Variants in LSAMP observed in about 807,000 individuals in gnomAD.
LSAMP encodes the protein limbic system-associated membrane protein.
Under a neutral mutation model 38.6 loss-of-function variants are expected in LSAMP, and 7 were observed. The ratio of observed to expected loss-of-function variants is 0.18; its 90% CI spans 0.10 to 0.34. LSAMP has a LOEUF of 0.34. LSAMP is among the 10% of genes least tolerant of loss of function. The probability of loss-of-function intolerance (pLI) is 1.00; values close to 1 mark genes in which losing one functional copy is unlikely to be tolerated. For missense variants in LSAMP, 313 were observed against 420.0 expected, an observed-to-expected ratio of 0.75 and a Z score of 2.23; for synonymous variants, 154 against 166.8, an observed-to-expected ratio of 0.92 and a Z score of 0.59.
At chr3:116,311,343 T>C (rs182809597) in intron 1 of LSAMP, among the ~76,000 whole-genome samples, 1 of 152,288 alleles carries the variant, frequency 6.6e-6, no homozygotes, top group African/African-American at 2.4e-5. Context: ...TTTCACTTTT[T>C]TTTTCTTTTT....
intron 1 of LSAMP, among the ~76,000 whole-genome samples, chr3:116,268,891 C>T (rs1050572737): frequency 9.2e-5 from 14 of 152,002 alleles, no homozygotes; most frequent in Admixed American, 6.6e-4. Flanking sequence ...TTTGAACAGT[C>T]GGTGAAATAG....
chr3:115,996,367 C>T (rs1939815543), intron 3 of LSAMP, among the ~76,000 whole-genome samples: 1 of 151,626 alleles, frequency 6.6e-6, no homozygotes, highest in Non-Finnish European at 1.5e-5. Flanking sequence ...GATAATCCCC[C>T]CACCATCTTT....
chr3:116,002,160 T>C (rs1470735212), intron 3 of LSAMP, among the ~76,000 whole-genome samples: 3 of 152,130 alleles, frequency 2.0e-5, no homozygotes, highest in African/African-American at 7.2e-5. Context: ...TTTGTCAGAT[T>C]CTCACCTTGC....
intron 1 of LSAMP, among the ~76,000 whole-genome samples, chr3:116,167,097 T>G (rs539161856): frequency 6.6e-6 from 1 of 152,102 alleles, no homozygotes; most frequent in South Asian, 2.1e-4. Flanking sequence ...GGCCCTAAAA[T>G]TTTTAATTTT....
At chr3:115,822,237 A>T (rs1041007746) in intron 6 of LSAMP, among the ~76,000 whole-genome samples, 4 of 152,146 alleles carry the variant, frequency 2.6e-5, no homozygotes, top group Non-Finnish European at 5.9e-5. Context: ...GAATCAAAGT[A>T]CTCATTCTGG....
At chr3:116,347,606 T>A (rs945918800) in intron 1 of LSAMP, among the ~76,000 whole-genome samples, 1 of 152,106 alleles carries the variant, frequency 6.6e-6, no homozygotes, top group Non-Finnish European at 1.5e-5. Flanking sequence ...TTCATGGAAT[T>A]CAAGAATTTC....
At chr3:115,948,439 C>T (rs551442723) in intron 3 of LSAMP, among the ~76,000 whole-genome samples, 1 of 152,092 alleles carries the variant, frequency 6.6e-6, no homozygotes, top group East Asian at 1.9e-4. Flanking sequence ...TCCTCTCAGA[C>T]CACAGTGAAA....
intron 1 of LSAMP, among the ~76,000 whole-genome samples, chr3:116,287,402 A>C (rs868470563): frequency 6.6e-6 from 1 of 152,096 alleles, no homozygotes; most frequent in African/African-American, 2.4e-5. Context: ...CCTCTGTCCA[A>C]GTGGGTTGAG....
chr3:116,069,801 CTGAT>C (rs1306581587), intron 2 of LSAMP, among the ~76,000 whole-genome samples: 3 of 151,962 alleles, frequency 2.0e-5, no homozygotes, highest in Non-Finnish European at 1.5e-5. Flanking sequence ...AGTGAAGTGG[CTGAT>C]AGATAGACAG....
chr3:116,027,046 T>C (rs1940807516), intron 2 of LSAMP, among the ~76,000 whole-genome samples: 1 of 152,204 alleles, frequency 6.6e-6, no homozygotes, highest in Non-Finnish European at 1.5e-5. Flanking sequence ...AAATGCTTTT[T>C]TAGTATAAAT....
chr3:116,127,287 T>C (rs1025671221), intron 1 of LSAMP, among the ~76,000 whole-genome samples: 27 of 152,208 alleles, frequency 1.8e-4, no homozygotes, highest in Non-Finnish European at 3.4e-4. Flanking sequence ...AATAATTTTA[T>C]ATGGGTATTG....
At chr3:116,042,042 A>G (rs887418708) in intron 2 of LSAMP, among the ~76,000 whole-genome samples, 2 of 152,182 alleles carry the variant, frequency 1.3e-5, no homozygotes, top group Non-Finnish European at 2.9e-5. Context: ...TATACAATTC[A>G]CTTAGAATTA....
At chr3:116,382,542 A>AGG (rs1281338182) in intron 1 of LSAMP, among the ~76,000 whole-genome samples, 1 of 151,506 alleles carries the variant, frequency 6.6e-6, no homozygotes. Context: ...ATTAGGAGAT[A>AGG]TACCTAATGT....
intron 1 of LSAMP, among the ~76,000 whole-genome samples, chr3:116,168,382 A>G (rs187540162): frequency 2.0e-5 from 3 of 152,134 alleles, no homozygotes; most frequent in Non-Finnish European, 4.4e-5. Flanking sequence ...AGAAAAAAAA[A>G]CCCATCATTT....
intron 1 of LSAMP, among the ~76,000 whole-genome samples, chr3:116,205,807 GTATTT>G (rs2046058925): frequency 9.9e-6 from 1 of 100,608 alleles, no homozygotes; most frequent in African/African-American, 4.0e-5. Flanking sequence ...CGTTTTGCCA[GTATTT>G]TATTGAGGAT....
chr3:115,926,277 T>A (rs1937497225), intron 3 of LSAMP, among the ~76,000 whole-genome samples: 1 of 152,100 alleles, frequency 6.6e-6, no homozygotes, highest in East Asian at 1.9e-4. Context: ...TACAGAGGGA[T>A]TAAGGGAACT....
At chr3:115,816,620 G>C in intron 6 of LSAMP, 1 of 1,285,126 alleles carries the variant, frequency 7.8e-7, no homozygotes, top group Non-Finnish European at 1.0e-6. Flanking sequence ...ATACCTTTTT[G>C]CTTGAAGTGC....
intron 6 of LSAMP, among the ~76,000 whole-genome samples, chr3:115,833,290 A>C (rs1934676152): frequency 6.6e-6 from 1 of 152,138 alleles, no homozygotes; most frequent in African/African-American, 2.4e-5. Flanking sequence ...AAGTCTAAAA[A>C]ACAGGCACAT....
At chr3:116,231,331 G>T (rs1195170133) in intron 1 of LSAMP, among the ~76,000 whole-genome samples, 1 of 152,168 alleles carries the variant, frequency 6.6e-6, no homozygotes, top group African/African-American at 2.4e-5. Context: ...TCTCCATGCT[G>T]AAGCAAAGGC....
Sources: allele counts gnomAD v4.1 joint callset (sites outside exome capture counted in the v4.1 genomes callset), GRCh38; gene constraint gnomAD v4.1.1; transcripts MANE v1.5; gene names NCBI Gene and HGNC (gene_info 2026-07-23, HGNC 2026-07-21).